HINFP: variants seen among roughly 807,000 people sequenced by gnomAD.
The protein encoded by HINFP is MBD2 (methyl-CpG-binding protein)-interacting zinc finger protein.
HINFP carries 20 observed loss-of-function variants against 50.1 expected under a neutral mutation model. That is an observed-to-expected ratio of 0.40 (90% confidence interval 0.28 to 0.58). HINFP has a LOEUF of 0.58. HINFP is among the 20% of genes least tolerant of loss of function. The pLI, the probability that HINFP is intolerant of heterozygous loss-of-function variation, is 0.45. For missense variants in HINFP, 505 were observed against 664.1 expected (o/e 0.76, Z 2.63); for synonymous variants, 247 against 243.7 (o/e 1.01, Z -0.13).
intron 2 of HINFP, chr11:119,130,020 C>T (rs1292926396): frequency 4.6e-5 from 7 of 152,282 alleles, no homozygotes; most frequent in African/African-American, 7.2e-5. Flanking sequence ...TTATATAAAG[C>T]GCTGAAAATA....
At chr11:119,127,208 G>A (rs1947457231) in intron 2 of HINFP, 83 bp downstream of exon 2, 3 of 1,167,360 alleles carry the variant, frequency 2.6e-6, no homozygotes, top group Non-Finnish European at 3.5e-6. Context: ...GGAGAAGGCG[G>A]CCTAAGAGAA....
intron 5 of HINFP, chr11:119,132,222 TTC>T: frequency 1.6e-6 from 1 of 617,872 alleles, no homozygotes; most frequent in Non-Finnish European, 2.8e-6. Context: ...TGAGGTAGGC[TTC>T]TTATCCCCCT....
At chr11:119,133,289 C>A in intron 9 of HINFP, 70 bp downstream of exon 9, 9 of 1,588,188 alleles carry the variant, frequency 5.7e-6, no homozygotes, top group South Asian at 2.3e-5. Flanking sequence ...GTTTTAAAAA[C>A]CTTAATTTGG....
At chr11:119,129,852 A>G (rs1465773373) in intron 2 of HINFP, 2 of 152,224 alleles carry the variant, frequency 1.3e-5, no homozygotes, top group Non-Finnish European at 1.5e-5. Flanking sequence ...TACAGGAAAT[A>G]TGGAGGCAGC....
At position 119,134,221 on chromosome 11, in the gene HINFP, G is replaced by A. The variant is rs752908712; in HGVS notation, c.1277G>A (p.Gly426Asp). ...TCGCTGAACGAGAGCAGCCTGCAGG[G>A]CATTATTCTAGAAACAGTGCCAGGG... ...GTSLNESSLQ[G>D]IILETVPGEP... The change falls in exon 10 of 10, where the codon GGC (glycine) becomes GAC (aspartate). Residue 426 changes from glycine (G) to aspartate (D), a missense_variant. Gly to Asp is a moderately conservative substitution (Grantham distance 94). Coordinates refer to ENST00000350777, the MANE Select transcript of HINFP (RefSeq NM_198971.3). The surrounding 1 kb of genome is among the most constrained non-coding windows in gnomAD (Gnocchi z 4.3). 1.6e-5 allele frequency: 26 copies of A among 1,614,068 alleles called. No homozygotes were observed. The Admixed American group carries it at 3.0e-4, about 19-fold the overall frequency.
intron 2 of HINFP, chr11:119,130,389 T>C (rs1445977955): frequency 3.3e-6 from 1 of 304,638 alleles, no homozygotes; most frequent in Non-Finnish European, 6.3e-6. Context: ...TGTTTAATGC[T>C]TTTATAGCAC....
intron 1 of HINFP, among the ~76,000 whole-genome samples, chr11:119,122,849 G>A (rs1452298473): frequency 2.0e-5 from 3 of 152,116 alleles, no homozygotes; most frequent in African/African-American, 7.2e-5. Flanking sequence ...TAGGCCTGTC[G>A]CGGTGGCTCA....
chr11:119,134,131 A>G lies in HINFP; in HGVS notation c.1187A>G (p.Tyr396Cys). ...TATATGCGGCTGCAGCTGGTTCGCT[A>G]CGAGAGTGTAGAGCTGACACAGCAA... ...DGYMRLQLVR[Y>C]ESVELTQQLL... Residue 396 changes from tyrosine to cysteine, a missense_variant, in exon 10 of 10, where the codon TAC (tyrosine) becomes TGC (cysteine). Transcript: ENST00000350777. The surrounding 1 kb of genome is among the most constrained non-coding windows in gnomAD (Gnocchi z 4.3). 6.2e-7 allele frequency: 1 copy of G among 1,614,166 alleles called. No homozygotes were observed. Among genetic ancestry groups the G allele is most frequent in the Non-Finnish European group, 8.5e-7 (1 of 1,180,032 alleles).
Position 119,121,645 on chromosome 11 carries a change from C to T in HINFP, c.-11+6C>T, listed in dbSNP as rs770963006. Reference sequence around the variant, plus strand: ...AGACCTGGAGCCGACAGACGGTAAGCTGGGGTATGTGCTCTGCAGGGGCTG... The same window carrying T: ...AGACCTGGAGCCGACAGACGGTAAGTTGGGGTATGTGCTCTGCAGGGGCTG... On this transcript the variant is annotated splice_donor_region_variant and intron_variant, in intron 1 of 9. Transcript: ENST00000350777. 6.6e-6 allele frequency: 1 copy of T among 152,480 alleles called. No homozygotes were observed. The highest frequency in any genetic ancestry group is 1.5e-5 in the Non-Finnish European group (1 of 68,220). The allele number at this position is 152,480 out of a possible 1,614,324, so 9.4% of individuals were successfully genotyped here. A position where few individuals can be genotyped will look rare whatever the true frequency, so the allele number is the denominator to read the frequency against.
At chr11:119,128,915 A>G (rs1947578380) in intron 2 of HINFP, among the ~76,000 whole-genome samples, 1 of 151,762 alleles carries the variant, frequency 6.6e-6, no homozygotes, top group Non-Finnish European at 1.5e-5. Flanking sequence ...GTTAGCCAGG[A>G]TGGGATAGGC....
chr11:119,124,931 C>G (rs1314607593), intron 1 of HINFP: 1 of 151,508 alleles, frequency 6.6e-6, no homozygotes, highest in Non-Finnish European at 1.5e-5. Context: ...GAGATTGCGC[C>G]ACTGCATTCC....
intron 2 of HINFP, chr11:119,129,912 A>C (rs1177600884): frequency 6.6e-6 from 1 of 152,256 alleles, no homozygotes; most frequent in Admixed American, 6.5e-5. Context: ...ACTATGAACC[A>C]TAATTGATAG....
At chr11:119,133,382 CA>C (rs1947890738) in intron 9 of HINFP, 163 bp downstream of exon 9, 1 of 755,794 alleles carries the variant, frequency 1.3e-6, no homozygotes, top group Non-Finnish European at 2.2e-6. Context: ...AGTTCGAGAC[CA>C]GCCTGGCCAA....
In HINFP at chr11:119,121,645, C is replaced by G. The variant is rs770963006; in HGVS notation, c.-11+6C>G. 6.6e-6 allele frequency: 1 copy of G among 152,480 alleles called. No individual in the cohort carries two copies. The highest frequency in any genetic ancestry group is 2.4e-5 in the African/African-American group (1 of 41,484). The allele number at this position is 152,480 out of a possible 1,614,324, so 9.4% of individuals were successfully genotyped here. A position where few individuals can be genotyped will look rare whatever the true frequency, so the allele number is the denominator to read the frequency against. On this transcript the variant is annotated splice_donor_region_variant and intron_variant, in intron 1 of 9. Transcript: ENST00000350777. ...AGACCTGGAGCCGACAGACGGTAAG[C>G]TGGGGTATGTGCTCTGCAGGGGCTG...
In HINFP at chr11:119,131,071, A is replaced by G. The variant is rs1288305163; in HGVS notation, c.411+117A>G. 4.5e-6 allele frequency: 4 copies of G among 880,254 alleles called. No homozygotes were observed. Among genetic ancestry groups the G allele is most frequent in the Admixed American group, 3.9e-5 (2 of 51,196 alleles). 54.5% of individuals were successfully genotyped at this position (880,254 alleles called of 1,614,324 possible). A position where few individuals can be genotyped will look rare whatever the true frequency, so the allele number is the denominator to read the frequency against. On this transcript the variant is annotated intron_variant, in intron 3 of 9. Coordinates refer to ENST00000350777, the MANE Select transcript of HINFP (RefSeq NM_198971.3). The surrounding 1 kb of genome is among the most constrained non-coding windows in gnomAD (Gnocchi z 4.2). ...AGATTCCTGCTAGTATCTCTCTTCC[A>G]TTTCTTTTGCTCTTTTAAAATTTGT...
In HINFP at chr11:119,131,278, A is replaced by G. The variant is rs538242839; in HGVS notation, c.412-257A>G. ...TAACTTCTAAATTTTTTGTAGAGAC[A>G]AGGTCTGGGTGTGTTGCCCAGGCCG... is the stretch of plus-strand genomic sequence containing the variant. On this transcript the variant is annotated intron_variant, in intron 3 of 9. Coordinates refer to ENST00000350777, the MANE Select transcript of HINFP (RefSeq NM_198971.3). This position sits in a 1 kb window ranked among gnomAD's most constrained non-coding sequence, Gnocchi z 4.2. The G allele has an allele frequency of 4.6e-5, 26 of 567,368 alleles. No individual in the cohort carries two copies. The highest frequency in any genetic ancestry group is 1.1e-4 in the Admixed American group (4 of 36,444). The allele number at this position is 567,368 out of a possible 1,614,324, so 35.1% of individuals were successfully genotyped here.
chr11:119,129,364 A>G (rs1197860382), intron 2 of HINFP, among the ~76,000 whole-genome samples: 1 of 151,506 alleles, frequency 6.6e-6, no homozygotes, highest in Non-Finnish European at 1.5e-5. Context: ...TTAGAGACAG[A>G]GTCTTGCTAT....
In HINFP at chr11:119,132,971, C is replaced by CT. The variant is rs1386468795; in HGVS notation, c.984dup (p.Ile329TyrfsTer10). On this transcript the variant is annotated frameshift_variant, in exon 8 of 10. Coordinates refer to ENST00000350777, the MANE Select transcript of HINFP (RefSeq NM_198971.3). LOFTEE classifies it high-confidence loss of function. ...ACCTTCAGTGCCCGATCCCTCTGCTCTATCAAGTCCCATTACCGCAAAGTA... is the reference window on the plus strand; with the variant it reads ...ACCTTCAGTGCCCGATCCCTCTGCTCTTATCAAGTCCCATTACCGCAAAGTA... 6.2e-7 allele frequency: 1 copy of CT among 1,614,122 alleles called. No homozygotes were observed. Among genetic ancestry groups the CT allele is most frequent in the Non-Finnish European group, 8.5e-7 (1 of 1,180,054 alleles).
At position 119,134,164 on chromosome 11, in the gene HINFP, G is replaced by A. The variant is rs558542812; in HGVS notation, c.1220G>A (p.Arg407Gln). ...ESVELTQQLL[R>Q]QPQEGSGLGT... is the part of the protein sequence containing the mutation. Reference sequence around the variant, plus strand: ...GTAGAGCTGACACAGCAACTGCTGCGGCAACCACAAGAGGGATCGGGCCTG... The same window carrying A: ...GTAGAGCTGACACAGCAACTGCTGCAGCAACCACAAGAGGGATCGGGCCTG... The change falls in exon 10 of 10, where the codon CGG becomes CAG. Residue 407 changes from arginine (R) to glutamine (Q), a missense_variant. Physicochemically the swap from Arg to Gln is conservative, Grantham distance 43 (BLOSUM62 1). Transcript: ENST00000350777. This position sits in a 1 kb window ranked among gnomAD's most constrained non-coding sequence, Gnocchi z 4.3. The A allele has an allele frequency of 9.9e-6, 16 of 1,613,884 alleles. No individual in the cohort carries two copies. Among genetic ancestry groups the A allele is most frequent in the East Asian group, 4.5e-5 (2 of 44,864 alleles).
Sources: allele counts gnomAD v4.1 joint callset (sites outside exome capture counted in the v4.1 genomes callset), GRCh38; gene constraint gnomAD v4.1.1; non-coding constraint Gnocchi (gnomAD v3.1); transcripts MANE v1.5; gene names NCBI Gene and HGNC (gene_info 2026-07-23, HGNC 2026-07-21).